TEX36: variants seen among roughly 807,000 people sequenced by gnomAD.
The protein encoded by TEX36 is testis-expressed protein 36.
TEX36 carries 12 observed loss-of-function variants against 13.6 expected under a neutral mutation model. That is an observed-to-expected ratio of 0.88 (90% CI 0.56 to 1.43). TEX36 has a LOEUF of 1.43. Ranked by LOEUF, TEX36 falls within the 40% of genes most tolerant of loss-of-function variation. TEX36 has a pLI of 0.00. For synonymous variants in TEX36, 93 were observed against 83.0 expected (o/e 1.12, Z -0.65); for missense variants, 224 against 228.3 (o/e 0.98, Z 0.12).
intron 3 of TEX36, among the ~76,000 whole-genome samples, chr10:125,604,838 T>C (rs1372960188): frequency 6.6e-6 from 1 of 151,740 alleles, no homozygotes; most frequent in Non-Finnish European, 1.5e-5. Context: ...GAGAATCTAA[T>C]GCCTGATGAT....
intron 1 of TEX36, chr10:125,667,160 C>CG: frequency 3.0e-6 from 2 of 671,870 alleles, no homozygotes; most frequent in Non-Finnish European, 2.8e-6. Flanking sequence ...CCAGGGACAG[C>CG]GGGGGGCACT....
chr10:125,605,311 G>A lies in TEX36; in HGVS notation c.265-28437C>T, dbSNP rs113414962. ...ACACACAGCATAGTGCAGCAATGTG[G>A]TCAGTTATTCTCCACACGCAGCATA... On this transcript the variant is annotated intron_variant, in intron 3 of 3. Coordinates refer to the TEX36 transcript ENST00000532135. 2.7e-5 allele frequency among the ~76,000 whole-genome samples: 4 copies of A among 150,380 alleles called. 1 individual carries two copies. The highest frequency in any genetic ancestry group is 9.9e-5 in the African/African-American group (4 of 40,234).
intron 3 of TEX36, among the ~76,000 whole-genome samples, chr10:125,592,256 G>A (rs1045342359): frequency 3.3e-5 from 5 of 152,112 alleles, no homozygotes; most frequent in Non-Finnish European, 2.9e-5. Context: ...GAGGCTGGGG[G>A]TGGCAAGTGG....
intron 3 of TEX36, among the ~76,000 whole-genome samples, chr10:125,658,202 T>C (rs1264642126): frequency 6.6e-6 from 1 of 151,890 alleles, no homozygotes; most frequent in Admixed American, 6.6e-5. Flanking sequence ...CTACAAATTA[T>C]GGAGACAAAG....
rs1865136 is a variant in TEX36, at chr10:125,582,007, T to G, written c.265-5133A>C. 6.3e-3 allele frequency among the ~76,000 whole-genome samples: 960 copies of G among 152,248 alleles called. 11 individuals are homozygous for G. Among genetic ancestry groups the G allele is most frequent in the African/African-American group, 0.021 (887 of 41,540 alleles). The stretch of plus-strand genomic sequence containing the variant: ...ACAAGGCCACAGTGACGCATGGTCT[T>G]AGGGGGTAAGCAGGGGCTCTCACCA... On this transcript the variant is annotated intron_variant, in intron 3 of 3. Transcript: ENST00000532135.
chr10:125,622,891 C>A (rs908850943), intron 3 of TEX36, among the ~76,000 whole-genome samples: 1 of 152,204 alleles, frequency 6.6e-6, no homozygotes, highest in Non-Finnish European at 1.5e-5. Context: ...ACTTCCAGTT[C>A]AATGGAATCA....
chr10:125,680,460 G>A (rs762723540), intron 1 of TEX36, among the ~76,000 whole-genome samples: 23 of 152,262 alleles, frequency 1.5e-4, no homozygotes, highest in Non-Finnish European at 2.8e-4. Flanking sequence ...TATTGTAACC[G>A]TGAAATACAG....
chr10:125,669,059 G>C (rs1847174212), intron 1 of TEX36, among the ~76,000 whole-genome samples: 1 of 152,164 alleles, frequency 6.6e-6, no homozygotes, highest in South Asian at 2.1e-4. Context: ...TTGGGAGGCT[G>C]AGGCAGGCAG....
chr10:125,597,760 C>T (rs1294361423), intron 3 of TEX36, among the ~76,000 whole-genome samples: 2 of 152,110 alleles, frequency 1.3e-5, no homozygotes, highest in African/African-American at 4.8e-5. Context: ...AGGGTTTAGT[C>T]CTTAGTTCCC....
chr10:125,643,318 G>C (rs748895308), intron 3 of TEX36, among the ~76,000 whole-genome samples: 96 of 152,178 alleles, frequency 6.3e-4, no homozygotes, highest in Non-Finnish European at 1.2e-3. Context: ...ACTGCTCACA[G>C]GTAAGCTATC....
intron 3 of TEX36, among the ~76,000 whole-genome samples, chr10:125,591,945 A>T (rs1846025879): frequency 6.6e-6 from 1 of 152,160 alleles, no homozygotes; most frequent in South Asian, 2.1e-4. Flanking sequence ...CAATATTTTC[A>T]CAGAGTGACA....
chr10:125,621,344 T>C (rs1353671439), downstream of TEX36, among the ~76,000 whole-genome samples: 1 of 151,914 alleles, frequency 6.6e-6, no homozygotes, highest in Non-Finnish European at 1.5e-5. Flanking sequence ...CTCCACATCC[T>C]CACCAACACT....
chr10:125,660,652 T>A (rs1001313107), intron 3 of TEX36, among the ~76,000 whole-genome samples: 8 of 152,150 alleles, frequency 5.3e-5, no homozygotes, highest in Non-Finnish European at 1.0e-4. Flanking sequence ...TGTAAGCTCC[T>A]CCTCCTTCTG....
chr10:125,588,575 G>C (rs1490884396), intron 3 of TEX36, among the ~76,000 whole-genome samples: 1 of 146,614 alleles, frequency 6.8e-6, no homozygotes, highest in Non-Finnish European at 1.5e-5. Context: ...GAGAGAAGCG[G>C]GAGGCCCCAG....
intron 3 of TEX36, among the ~76,000 whole-genome samples, chr10:125,606,793 G>A (rs1334429497): frequency 6.6e-6 from 1 of 152,130 alleles, no homozygotes; most frequent in Non-Finnish European, 1.5e-5. Flanking sequence ...TTGGTAGCTA[G>A]CAATTTACTT....
At chr10:125,639,917 C>T (rs368529636) in intron 3 of TEX36, among the ~76,000 whole-genome samples, 7 of 152,110 alleles carry the variant, frequency 4.6e-5, no homozygotes, top group Non-Finnish European at 8.8e-5. Context: ...CACTCATGGC[C>T]GATACCAGTC....
At chr10:125,614,935 G>A (rs921046191) in intron 3 of TEX36, among the ~76,000 whole-genome samples, 1 of 152,142 alleles carries the variant, frequency 6.6e-6, no homozygotes, top group Non-Finnish European at 1.5e-5. Flanking sequence ...TCTTCCATTT[G>A]TTTGTATCCT....
intron 3 of TEX36, among the ~76,000 whole-genome samples, chr10:125,638,875 G>GT (rs1846650236): frequency 6.6e-6 from 1 of 152,230 alleles, no homozygotes; most frequent in South Asian, 2.1e-4. Flanking sequence ...CAAATCTAAG[G>GT]TGGAAATGCA....
At chr10:125,667,801 C>A in intron 1 of TEX36, 1 of 1,103,330 alleles carries the variant, frequency 9.1e-7, no homozygotes, top group Non-Finnish European at 1.4e-6. Flanking sequence ...CTTTGGTGTT[C>A]TCGGCGTTAA....
Sources: allele counts gnomAD v4.1 joint callset (sites outside exome capture counted in the v4.1 genomes callset), GRCh38; gene constraint gnomAD v4.1.1; transcripts MANE v1.5; gene names NCBI Gene and HGNC (gene_info 2026-07-23, HGNC 2026-07-21).